The following FXYD1 variants were observed in gnomAD, a reference collection of about 807,000 sequenced individuals.
The protein encoded by FXYD1 is phospholemman.
In FXYD1, 9 loss-of-function variants were observed where a neutral mutation model predicts 17.2. The observed-to-expected ratio is 0.52, with a 90% CI of 0.32 to 0.91. FXYD1 has a LOEUF of 0.91. Ranked by LOEUF, FXYD1 falls within the 40% of genes least tolerant of loss-of-function variation. FXYD1 has a pLI of 0.04. For missense variants in FXYD1, 113 were observed against 120.6 expected, an observed-to-expected ratio of 0.94 and a Z score of 0.29; for synonymous variants, 55 against 45.8, an observed-to-expected ratio of 1.20 and a Z score of -0.81.
chr19:35,139,910 C>T, intron 1 of FXYD1, 166 bp from the exon 2 acceptor site: 1 of 608,338 alleles, frequency 1.6e-6, no homozygotes, highest in Non-Finnish European at 3.0e-6. Context: ...ACACTGTGTC[C>T]CCACGAAGCT....
At chr19:35,141,788 C>T (rs1413859438) in intron 5 of FXYD1, among the ~76,000 whole-genome samples, 2 of 152,244 alleles carry the variant, frequency 1.3e-5, no homozygotes, top group Non-Finnish European at 2.9e-5. Flanking sequence ...GAGGCGGTGG[C>T]CGTGGGTTCC....
intron 1 of FXYD1, 166 bp from the exon 2 acceptor site, chr19:35,139,910 C>A: frequency 1.6e-6 from 1 of 608,338 alleles, no homozygotes. Context: ...ACACTGTGTC[C>A]CCACGAAGCT....
Position 35,142,332 on chromosome 19 carries a change from G to A in FXYD1, c.207-140G>A, listed in dbSNP as rs1687986. On this transcript the variant is annotated intron_variant, in intron 5 of 7. Transcript: ENST00000351325. ...CTGCTCCTGGGTGCTCCTCATTTCT[G>A]GCGGACCCCGAGCCTGCTCTTCGTC... is the stretch of plus-strand genomic sequence containing the variant. The A allele has an allele frequency of 0.4, 264,366 of 668,358 alleles. 54,334 individuals are homozygous for A. The highest frequency in any genetic ancestry group is 0.55 in the South Asian group (28,266 of 51,182). 41.4% of individuals were successfully genotyped at this position (668,358 alleles called of 1,614,324 possible).
At position 35,141,542 on chromosome 19, in the gene FXYD1, G is replaced by T. The variant is rs2065255842; in HGVS notation, c.176G>T (p.Arg59Ile). The T allele has an allele frequency of 1.9e-6, 3 of 1,610,342 alleles. No homozygotes were observed. The African/African-American group carries it at 4.0e-5, about 22-fold the overall frequency. Residue 59 changes from arginine to isoleucine, a missense_variant, in exon 5 of 8, where the codon AGA (arginine) becomes ATA (isoleucine). By Grantham distance (97) the Arg-to-Ile change is moderately conservative (BLOSUM62 -3). Coordinates refer to ENST00000351325, the MANE Select transcript of FXYD1 (RefSeq NM_021902.4). ...TACCTCTCCACGCCCACAGGCAGAA[G>T]ATGCCGGTGCAAGTTCAACCAGCAG... is the stretch of plus-strand genomic sequence containing the variant. ...ILGILIVLSRRCRCKFNQQQR... is the reference protein window; with the variant it reads ...ILGILIVLSRICRCKFNQQQR...
intron 2 of FXYD1, 48 bp downstream of exon 2, chr19:35,140,188 G>A (rs982424906): frequency 3.5e-6 from 4 of 1,135,232 alleles, no homozygotes; most frequent in African/African-American, 1.5e-5. Context: ...CCCAGGGGTG[G>A]CGGTGGGGAC....
chr19:35,139,074 G>GTGCCCTGCT (rs2065226576), intron 1 of FXYD1, 180 bp downstream of exon 1: 1 of 152,366 alleles, frequency 6.6e-6, no homozygotes, highest in Admixed American at 6.5e-5. Flanking sequence ...CTGCCCTGCT[G>GTGCCCTGCT]GTGCGTGTGC....
At chr19:35,141,086 C>T (rs1163442878) in intron 3 of FXYD1, 46 bp from the exon 4 acceptor site, 18 of 1,194,956 alleles carry the variant, frequency 1.5e-5, no homozygotes, top group Non-Finnish European at 2.1e-5. Context: ...TCCTATTCTC[C>T]CTCCTGTCTT....
At chr19:35,140,700 C>T in intron 3 of FXYD1, 71 bp downstream of exon 3, 3 of 1,311,484 alleles carry the variant, frequency 2.3e-6, no homozygotes, top group Non-Finnish European at 3.3e-6. Flanking sequence ...TCCCCCTCGC[C>T]CTCCCCCAGA....
At chr19:35,139,980 T>A (rs1461967099) in intron 1 of FXYD1, 96 bp from the exon 2 acceptor site, 1 of 1,061,048 alleles carries the variant, frequency 9.4e-7, no homozygotes, top group Non-Finnish European at 1.5e-6. Flanking sequence ...CTTCTGTGAT[T>A]CAGTCCCCAG....
At chr19:35,141,233 ACCCCGCCTCTCCCTGG>A in intron 4 of FXYD1, 27 bp downstream of exon 4, 1 of 1,246,254 alleles carries the variant, frequency 8.0e-7, no homozygotes, top group Non-Finnish European at 1.1e-6. Context: ...CCCGCCCTCT[ACCCCGCCTCTCCCTGG>A]CCCCACCTCT....
chr19:35,138,134 CATAA>C (rs1183778061), upstream of FXYD1: 1 of 152,244 alleles, frequency 6.6e-6, no homozygotes, highest in Non-Finnish European at 1.5e-5. Flanking sequence ...TCTGTGTAGA[CATAA>C]ATGTGCTTGT....
Position 35,142,998 on chromosome 19 carries a change from C to A in FXYD1, c.*111C>A, listed in dbSNP as rs1455177496. The A allele has an allele frequency of 3.5e-6, 2 of 579,012 alleles. No individual in the cohort carries two copies. The highest frequency in any genetic ancestry group is 6.1e-6 in the Non-Finnish European group (2 of 326,864). 35.9% of individuals were successfully genotyped at this position (579,012 alleles called of 1,614,324 possible). A position where few individuals can be genotyped will look rare whatever the true frequency, so the allele number is the denominator to read the frequency against. ...CGCCGCCCCTTCCCCAGCCCTGCCCCCGCAGACTCCCCCTGCCGCCAAGAC... is the reference window on the plus strand; with the variant it reads ...CGCCGCCCCTTCCCCAGCCCTGCCCACGCAGACTCCCCCTGCCGCCAAGAC... On this transcript the variant is annotated 3_prime_UTR_variant, in exon 8 of 8. Transcript: ENST00000351325.
chr19:35,140,707 C>A, intron 3 of FXYD1, 78 bp downstream of exon 3: 1 of 1,175,754 alleles, frequency 8.5e-7, no homozygotes, highest in Non-Finnish European at 1.3e-6. Flanking sequence ...CGCCCTCCCC[C>A]AGAGTCCCAG....
In FXYD1 at chr19:35,142,916, G is replaced by A. The variant is rs2065270984; in HGVS notation, c.*30-1G>A. The A allele has an allele frequency of 2.9e-5, 19 of 650,914 alleles. 1 individual carries two copies. The South Asian group carries it at 3.4e-4, about 12-fold the overall frequency. The allele number at this position is 650,914 out of a possible 1,614,324, so 40.3% of individuals were successfully genotyped here. On this transcript the variant is annotated splice_acceptor_variant, in intron 7 of 7. Transcript: ENST00000351325. LOFTEE classifies it low-confidence loss of function (3UTR_SPLICE). ...GCCTCTCACCCTTTTCACCCTCACA[G>A]GACTCCCCTGGCACCTGACATCTCC...
chr19:35,140,729 C>T (rs1257927814), intron 3 of FXYD1, 100 bp downstream of exon 3: 2 of 927,162 alleles, frequency 2.2e-6, no homozygotes, highest in Non-Finnish European at 3.5e-6. Context: ...ATTGATATCT[C>T]TGTCATTCTC....
At chr19:35,140,827 C>T (rs1461965037) in intron 3 of FXYD1, 198 bp downstream of exon 3, 5 of 601,584 alleles carry the variant, frequency 8.3e-6, no homozygotes, top group African/African-American at 5.6e-5. Flanking sequence ...CTATGTGATA[C>T]CTCTCTGGTT....
At position 35,141,548 on chromosome 19, in the gene FXYD1, G is replaced by T. The variant is rs963717578; in HGVS notation, c.182G>T (p.Arg61Leu). 6 of 1,610,594 alleles carry T rather than the reference G, an allele frequency of 3.7e-6. No homozygotes were observed. In the Admixed American group the frequency reaches 5.0e-5, roughly 13 times the overall value. ...TCCACGCCCACAGGCAGAAGATGCC[G>T]GTGCAAGTTCAACCAGCAGCAGAGG... ...GILIVLSRRC[R>L]CKFNQQQRTG... The change falls in exon 5 of 8, where the codon CGG becomes CTG. Residue 61 changes from arginine to leucine, a missense_variant. Physicochemically the swap from Arg to Leu is moderately radical, Grantham distance 102. Transcript: ENST00000351325.
At position 35,142,789 on chromosome 19, in the gene FXYD1, C is replaced by A. The variant is rs776905341; in HGVS notation, c.*29+18C>A. The A allele has an allele frequency of 5.7e-6, 9 of 1,592,470 alleles. No individual in the cohort carries two copies. The Middle Eastern group carries it at 6.7e-4, about 118-fold the overall frequency. On this transcript the variant is annotated intron_variant, in intron 7 of 7. Coordinates refer to ENST00000351325, the MANE Select transcript of FXYD1 (RefSeq NM_021902.4). ...CCGGCCAGGTGCTGCAGCTCTGACA[C>A]GGCGGTGGGAGGGAAGGAGGGAGGA...
chr19:35,137,749 C>T (rs1031976372), upstream of FXYD1: 6 of 152,236 alleles, frequency 3.9e-5, no homozygotes, highest in African/African-American at 1.4e-4. Flanking sequence ...GCCTCAGCCT[C>T]CGGAGTAGCC....
Sources: allele counts gnomAD v4.1 joint callset (sites outside exome capture counted in the v4.1 genomes callset), GRCh38; gene constraint gnomAD v4.1.1; transcripts MANE v1.5; gene names NCBI Gene and HGNC (gene_info 2026-07-23, HGNC 2026-07-21).